The following PDE10A variants were observed in gnomAD, a reference collection of about 807,000 sequenced individuals.
PDE10A encodes phosphodiesterase 10A.
Under a neutral mutation model 97.7 loss-of-function variants are expected in PDE10A, and 39 were observed. The observed-to-expected ratio is 0.40, with a 90% CI of 0.31 to 0.52. The LOEUF is 0.52. PDE10A is among the 20% of genes least tolerant of loss of function. The probability of loss-of-function intolerance (pLI) is 0.56; values close to 1 mark genes in which losing one functional copy is unlikely to be tolerated. For synonymous variants in PDE10A, 371 were observed against 376.8 expected, an observed-to-expected ratio of 0.98 and a Z score of 0.18; for missense variants, 731 against 1,047.8, an observed-to-expected ratio of 0.70 and a Z score of 4.17.
intron 1 of PDE10A, among the ~76,000 whole-genome samples, chr6:165,731,702 A>G (rs1228371105): frequency 6.6e-6 from 1 of 152,212 alleles, no homozygotes; most frequent in Non-Finnish European, 1.5e-5. Context: ...CATGAGGCCT[A>G]TGAGTTGAGG....
chr6:165,584,706 C>T (rs1372982358), intron 1 of PDE10A, among the ~76,000 whole-genome samples: 1 of 152,186 alleles, frequency 6.6e-6, no homozygotes, highest in Non-Finnish European at 1.5e-5. Flanking sequence ...ATGCAGAATA[C>T]CCCTTAGGGC....
At chr6:165,856,808 C>G (rs1780749604) in intron 1 of PDE10A, among the ~76,000 whole-genome samples, 1 of 152,150 alleles carries the variant, frequency 6.6e-6, no homozygotes, top group Admixed American at 6.5e-5. Context: ...TCCTGTTAAG[C>G]ATTTCAAGTG....
chr6:165,500,106 T>C (rs1780776906), intron 2 of PDE10A, among the ~76,000 whole-genome samples: 1 of 152,200 alleles, frequency 6.6e-6, no homozygotes, highest in Admixed American at 6.5e-5. Context: ...GCGAATTATA[T>C]TCAACATTAT....
At chr6:165,387,643 T>G (rs1403920448) in intron 17 of PDE10A, among the ~76,000 whole-genome samples, 1 of 152,234 alleles carries the variant, frequency 6.6e-6, no homozygotes, top group Non-Finnish European at 1.5e-5. Flanking sequence ...CTCTTCCTAC[T>G]TAGAGGTGCT....
At chr6:165,755,234 C>T (rs1793090937) in intron 1 of PDE10A, among the ~76,000 whole-genome samples, 1 of 152,100 alleles carries the variant, frequency 6.6e-6, no homozygotes, top group African/African-American at 2.4e-5. Context: ...CCTGAATTGT[C>T]ATGAAAAAAC....
At chr6:165,840,418 T>A (rs1312964037) in intron 1 of PDE10A, among the ~76,000 whole-genome samples, 1 of 152,214 alleles carries the variant, frequency 6.6e-6, no homozygotes. Flanking sequence ...GCTGATCCAT[T>A]TTTCCCTAAA....
intron 1 of PDE10A, among the ~76,000 whole-genome samples, chr6:165,747,608 T>C (rs1292278501): frequency 1.3e-5 from 2 of 151,972 alleles, no homozygotes; most frequent in East Asian, 3.9e-4. Flanking sequence ...ATGGAATGTG[T>C]GAATAAATCC....
At chr6:165,627,610 G>A (rs1462189636) in intron 1 of PDE10A, among the ~76,000 whole-genome samples, 1 of 152,152 alleles carries the variant, frequency 6.6e-6, no homozygotes, top group Admixed American at 6.5e-5. Flanking sequence ...CAAACAGCCT[G>A]GGAAGTGGGA....
chr6:165,561,727 A>G (rs2128338024), intron 1 of PDE10A, among the ~76,000 whole-genome samples: 1 of 152,330 alleles, frequency 6.6e-6, no homozygotes, highest in East Asian at 1.9e-4. Flanking sequence ...GAGTCCTTTA[A>G]GAGCAGATAG....
At chr6:165,965,824 A>G (rs1784494481) in intron 1 of PDE10A, among the ~76,000 whole-genome samples, 1 of 152,234 alleles carries the variant, frequency 6.6e-6, no homozygotes, top group African/African-American at 2.4e-5. Flanking sequence ...ATTGCAGCCA[A>G]CAGCACTGAA....
chr6:165,480,647 C>A (rs950533407), intron 3 of PDE10A, among the ~76,000 whole-genome samples: 2 of 151,924 alleles, frequency 1.3e-5, no homozygotes, highest in Admixed American at 1.3e-4. Flanking sequence ...CAAAACAAAA[C>A]AGAACTGCCT....
chr6:165,861,107 C>T (rs1286005061), intron 1 of PDE10A, among the ~76,000 whole-genome samples: 1 of 152,172 alleles, frequency 6.6e-6, no homozygotes, highest in Non-Finnish European at 1.5e-5. Flanking sequence ...GAAGAGTGTT[C>T]AGGCCCGTAT....
intron 1 of PDE10A, among the ~76,000 whole-genome samples, chr6:165,874,518 G>A (rs1280731567): frequency 6.6e-6 from 1 of 152,162 alleles, no homozygotes; most frequent in Non-Finnish European, 1.5e-5. Context: ...GACATAACTA[G>A]GTTTGTTTAA....
At chr6:165,575,449 T>C (rs1785255344) in intron 1 of PDE10A, among the ~76,000 whole-genome samples, 1 of 152,208 alleles carries the variant, frequency 6.6e-6, no homozygotes, top group African/African-American at 2.4e-5. Context: ...CTCTACCCAC[T>C]TTCTAGCTTC....
At chr6:165,555,626 T>A (rs1219080864) in intron 1 of PDE10A, among the ~76,000 whole-genome samples, 1 of 152,238 alleles carries the variant, frequency 6.6e-6, no homozygotes, top group Non-Finnish European at 1.5e-5. Context: ...TTTAAGAATA[T>A]TTCATCTAGG....
intron 3 of PDE10A, among the ~76,000 whole-genome samples, chr6:165,463,214 T>C (rs1368376900): frequency 6.6e-6 from 1 of 152,208 alleles, no homozygotes; most frequent in Non-Finnish European, 1.5e-5. Context: ...TCCTATTATC[T>C]GGAACCATGG....
At chr6:165,557,895 T>C (rs555598945) in intron 1 of PDE10A, among the ~76,000 whole-genome samples, 2 of 152,308 alleles carry the variant, frequency 1.3e-5, no homozygotes, top group Admixed American at 6.5e-5. Context: ...AAGGGTACAA[T>C]GAACAGAAAC....
intron 1 of PDE10A, among the ~76,000 whole-genome samples, chr6:165,751,900 G>A (rs953152014): frequency 6.6e-6 from 1 of 152,074 alleles, no homozygotes; most frequent in Non-Finnish European, 1.5e-5. Context: ...AGCACTTTGG[G>A]AGGCCAAGGC....
At chr6:165,584,221 G>A (rs1220620523) in intron 1 of PDE10A, among the ~76,000 whole-genome samples, 1 of 152,206 alleles carries the variant, frequency 6.6e-6, no homozygotes, top group African/African-American at 2.4e-5. Flanking sequence ...CACAGTCAGT[G>A]CACTGCAGTT....
Sources: allele counts gnomAD v4.1 joint callset (sites outside exome capture counted in the v4.1 genomes callset), GRCh38; gene constraint gnomAD v4.1.1; transcripts MANE v1.5; gene names NCBI Gene and HGNC (gene_info 2026-07-23, HGNC 2026-07-21).